Variants in PATJ observed in about 807,000 individuals in gnomAD.
The protein encoded by PATJ is PATJ crumbs cell polarity complex component.
In PATJ, 190 loss-of-function variants were observed where a neutral mutation model predicts 224.9. The ratio of observed to expected loss-of-function variants is 0.84; its 90% CI spans 0.75 to 0.95. The LOEUF (loss-of-function observed/expected upper bound fraction) is 0.95, where lower values mean the gene tolerates loss of function less well. Among genes scored for constraint, PATJ ranks in the 40% least tolerant of loss-of-function variants. PATJ has a pLI of 0.00. For synonymous variants in PATJ, 769 were observed against 820.3 expected (o/e 0.94, Z 1.07); for missense variants, 2,121 against 2,270.3 (o/e 0.93, Z 1.34).
intron 3 of PATJ, among the ~76,000 whole-genome samples, chr1:61,765,736 A>G (rs936673502): frequency 6.6e-6 from 1 of 152,182 alleles, no homozygotes; most frequent in African/African-American, 2.4e-5. Context: ...ATCTTGAGTA[A>G]GTTACTTAAC....
rs201830637 is a variant in PATJ, at chr1:61,778,915, G to A, written c.849+3581G>A. On this transcript the variant is annotated intron_variant, in intron 7 of 43. Transcript: ENST00000642238. ...GGGGTTTCACTATGTTGGCCAGGCTGGTCTGGAACTCCTGACCTTATGATC... is the reference window on the plus strand; with the variant it reads ...GGGGTTTCACTATGTTGGCCAGGCTAGTCTGGAACTCCTGACCTTATGATC... Among the ~76,000 whole-genome samples the A allele has an allele frequency of 3.3e-5, 5 of 152,034 alleles. No individual in the cohort carries two copies. In the East Asian group the frequency reaches 7.7e-4, roughly 24 times the overall value.
intron 33 of PATJ, among the ~76,000 whole-genome samples, chr1:62,095,912 G>A (rs528908779): frequency 2.0e-4 from 30 of 152,166 alleles, no homozygotes; most frequent in Non-Finnish European, 4.1e-4. Context: ...TATAGTGTTG[G>A]TTCATTAACA....
chr1:62,072,557 C>T (rs1657604457), intron 31 of PATJ: 1 of 151,608 alleles, frequency 6.6e-6, no homozygotes, highest in Non-Finnish European at 1.5e-5. Flanking sequence ...ATTGGGTGTC[C>T]ACACTAAGTT....
In PATJ at chr1:61,813,399, A is replaced by G. The variant is rs1045326479; in HGVS notation, c.1683+4869A>G. Reference sequence around the variant, plus strand: ...TATATACACACACACACACACACACATACACACATATACATATTTGTACTC... The same window carrying G: ...TATATACACACACACACACACACACGTACACACATATACATATTTGTACTC... On this transcript the variant is annotated intron_variant, in intron 14 of 43. Coordinates refer to ENST00000642238, the MANE Select transcript of PATJ (RefSeq NM_001350145.3). Among the ~76,000 whole-genome samples the G allele has an allele frequency of 2.1e-4, 29 of 140,612 alleles. 1 individual carries two copies. The East Asian group carries it at 5.0e-3, about 24-fold the overall frequency. The allele number at this position is 140,612 out of a possible 152,430, so 92.2% of individuals were successfully genotyped here.
At chr1:61,827,725 T>C (rs533010782) in intron 16 of PATJ, 142 bp downstream of exon 16, 16 of 609,890 alleles carry the variant, frequency 2.6e-5, no homozygotes, top group Non-Finnish European at 4.1e-5. Flanking sequence ...TGCATAGCTT[T>C]TCAAATTGTT....
chr1:62,139,587 C>T (rs1315376231), intron 41 of PATJ, among the ~76,000 whole-genome samples: 1 of 151,952 alleles, frequency 6.6e-6, no homozygotes, highest in Non-Finnish European at 1.5e-5. Flanking sequence ...GTTGAACTTA[C>T]ATGAACTCAA....
At chr1:61,745,270 A>ATATT (rs964206173) in intron 1 of PATJ, among the ~76,000 whole-genome samples, 22 of 152,038 alleles carry the variant, frequency 1.4e-4, no homozygotes, top group African/African-American at 3.1e-4. Flanking sequence ...ATTTTTTTAA[A>ATATT]TATTTATTTA....
chr1:62,005,394 A>G (rs777305077), intron 28 of PATJ, among the ~76,000 whole-genome samples: 5 of 149,870 alleles, frequency 3.3e-5, no homozygotes, highest in Non-Finnish European at 7.4e-5. Flanking sequence ...AAGTTAACCT[A>G]TAAAAATATT....
chr1:61,977,495 G>A (rs185993408), intron 27 of PATJ, among the ~76,000 whole-genome samples: 1 of 152,110 alleles, frequency 6.6e-6, no homozygotes, highest in African/African-American at 2.4e-5. Flanking sequence ...AATAATAGTA[G>A]AATTTTAAAA....
At chr1:62,084,954 C>T (rs1333758212) in intron 33 of PATJ, among the ~76,000 whole-genome samples, 1 of 151,972 alleles carries the variant, frequency 6.6e-6, no homozygotes, top group African/African-American at 2.4e-5. Context: ...CCCATCTCTA[C>T]AAAAAGTACA....
At position 61,976,438 on chromosome 1, in the gene PATJ, C is replaced by T. The variant is rs141348487; in HGVS notation, c.3671-13730C>T. On this transcript the variant is annotated intron_variant, in intron 27 of 43. Coordinates refer to ENST00000642238, the MANE Select transcript of PATJ (RefSeq NM_001350145.3). The stretch of plus-strand genomic sequence containing the variant: ...TTTGTTTTATTGAGATGGAGTCTTG[C>T]TCTTGTTGCCCAGGCTGGAGTGCAA... Among the ~76,000 whole-genome samples the T allele has an allele frequency of 6.2e-3, 941 of 152,066 alleles. 6 individuals are homozygous for T. Among genetic ancestry groups the T allele is most frequent in the Non-Finnish European group, 9.7e-3 (658 of 68,028 alleles).
chr1:62,069,272 A>C (rs1657004303), intron 31 of PATJ, among the ~76,000 whole-genome samples: 1 of 152,120 alleles, frequency 6.6e-6, no homozygotes, highest in African/African-American at 2.4e-5. Context: ...GATGTGTCTG[A>C]GTTAAGTTCT....
At chr1:61,814,636 A>C (rs1655737298) in intron 14 of PATJ, among the ~76,000 whole-genome samples, 3 of 151,676 alleles carry the variant, frequency 2.0e-5, no homozygotes, top group African/African-American at 7.3e-5. Flanking sequence ...TTCTACGTTA[A>C]TTTCTTACTT....
chr1:61,839,465 T>C (rs1660735652), intron 17 of PATJ, among the ~76,000 whole-genome samples: 3 of 152,156 alleles, frequency 2.0e-5, no homozygotes, highest in Non-Finnish European at 4.4e-5. Context: ...TTGTTGTGGG[T>C]TAATGTTCAA....
At chr1:61,924,042 C>T (rs556563047) in intron 26 of PATJ, among the ~76,000 whole-genome samples, 1 of 151,610 alleles carries the variant, frequency 6.6e-6, no homozygotes, top group African/African-American at 2.4e-5. Flanking sequence ...ACCTGTTTTG[C>T]ATTACGTAGA....
intron 9 of PATJ, among the ~76,000 whole-genome samples, 154 bp downstream of exon 9, chr1:61,791,601 A>C (rs1225024853): frequency 1.3e-5 from 2 of 152,192 alleles, no homozygotes; most frequent in African/African-American, 4.8e-5. Flanking sequence ...GTGATTACAG[A>C]ATCACATTTT....
chr1:61,864,721 T>A, intron 20 of PATJ, 88 bp downstream of exon 20: 1 of 1,217,228 alleles, frequency 8.2e-7, no homozygotes, highest in East Asian at 2.4e-5. Context: ...CAATGTTGTT[T>A]GTTTTTAAAT....
At chr1:61,755,165 C>G (rs996907921) in intron 1 of PATJ, among the ~76,000 whole-genome samples, 2 of 151,702 alleles carry the variant, frequency 1.3e-5, no homozygotes, top group South Asian at 4.2e-4. Flanking sequence ...AAAAATTAGC[C>G]GGGCGTAGTG....
rs77042442 is a variant in PATJ at position 62,128,516 on chromosome 1, T to G, written c.5167-325T>G. 1,482 of 294,026 alleles carry G rather than the reference T, an allele frequency of 5.0e-3. 18 individuals carry two copies. Among genetic ancestry groups the G allele is most frequent in the African/African-American group, 0.029 (1,344 of 46,830 alleles). 18.2% of individuals were successfully genotyped at this position (294,026 alleles called of 1,614,324 possible). The stretch of plus-strand genomic sequence containing the variant: ...AGCAGAAAATATTTGGCTTCCTCAT[T>G]AGAACTTTATTGAACGGTTGATGTG... On this transcript the variant is annotated intron_variant, in intron 40 of 43. Transcript: ENST00000642238.
Sources: allele counts gnomAD v4.1 joint callset (sites outside exome capture counted in the v4.1 genomes callset), GRCh38; gene constraint gnomAD v4.1.1; transcripts MANE v1.5; gene names NCBI Gene and HGNC (gene_info 2026-07-23, HGNC 2026-07-21).